RYR3: variants seen among roughly 807,000 people sequenced by gnomAD.
The protein encoded by RYR3 is brain ryanodine receptor-calcium release channel.
A neutral mutation model predicts 584.3 loss-of-function variants in RYR3; 207 were observed. The ratio of observed to expected loss-of-function variants is 0.35; its 90% CI spans 0.32 to 0.40. RYR3 has a LOEUF of 0.40. Ranked by LOEUF, RYR3 falls within the 10% of genes least tolerant of loss-of-function variation. RYR3 has a pLI of 1.00. For missense variants in RYR3, 5,616 were observed against 6,089.2 expected (o/e 0.92, Z 2.59); for synonymous variants, 2,416 against 2,248.5 (o/e 1.07, Z -2.11).
intron 7 of RYR3, among the ~76,000 whole-genome samples, chr15:33,542,285 C>G (rs1042431914): frequency 3.3e-5 from 5 of 152,076 alleles, no homozygotes; most frequent in African/African-American, 1.2e-4. Context: ...GCAGTGTTCT[C>G]TGTGTGAGTA....
Position 33,841,947 on chromosome 15 carries a change from A to G in RYR3, c.13121A>G (p.Lys4374Arg), listed in dbSNP as rs1302868317. 1.3e-6 allele frequency: 2 copies of G among 1,597,854 alleles called. No homozygotes were observed. Among genetic ancestry groups the G allele is most frequent in the South Asian group, 2.3e-5 (2 of 88,378 alleles). The part of the protein sequence containing the change: ...YLWTEVTKKK[K>R]RRCGQKVEKP... ...TGGACAGAAGTGACAAAAAAGAAGA[A>G]GCGGCGGTGTGGTCAGAAGGTTGAG... The change falls in exon 91 of 104, where the codon AAG (lysine) becomes AGG (arginine). Residue 4374 changes from lysine to arginine, a missense_variant. By Grantham distance (26) the Lys-to-Arg change is conservative. Transcript: ENST00000634891.
At chr15:33,540,052 C>T (rs1454320175) in intron 6 of RYR3, among the ~76,000 whole-genome samples, 1 of 152,054 alleles carries the variant, frequency 6.6e-6, no homozygotes, top group Admixed American at 6.6e-5. Flanking sequence ...CTGTCTGCTG[C>T]CACGTGATCA....
At chr15:33,718,845 G>A (rs760252488) in intron 43 of RYR3, among the ~76,000 whole-genome samples, 5 of 152,152 alleles carry the variant, frequency 3.3e-5, no homozygotes, top group African/African-American at 4.8e-5. Flanking sequence ...TTGAAGAAAG[G>A]CACTGTGAAC....
chr15:33,488,329 C>G (rs907899745), intron 2 of RYR3, among the ~76,000 whole-genome samples: 5 of 152,108 alleles, frequency 3.3e-5, no homozygotes, highest in Admixed American at 2.6e-4. Context: ...ACATAGGCAC[C>G]TCTGTCACGC....
intron 102 of RYR3, among the ~76,000 whole-genome samples, chr15:33,863,614 C>G (rs1013958539): frequency 6.6e-6 from 1 of 152,130 alleles, no homozygotes; most frequent in Non-Finnish European, 1.5e-5. Context: ...GATCACAGAG[C>G]AAGTGAAACT....
chr15:33,849,801 A>G (rs749766156), intron 94 of RYR3: 1 of 152,204 alleles, frequency 6.6e-6, no homozygotes, highest in Non-Finnish European at 1.5e-5. Context: ...AGGTACAACT[A>G]AGGATATTTA....
At chr15:33,317,106 T>C (rs1002999282) in intron 1 of RYR3, among the ~76,000 whole-genome samples, 1 of 152,232 alleles carries the variant, frequency 6.6e-6, no homozygotes, top group Non-Finnish European at 1.5e-5. Context: ...TTACCAAAGC[T>C]ACCGTTTCCC....
chr15:33,797,509 A>C (rs569851869), intron 67 of RYR3, among the ~76,000 whole-genome samples: 3 of 152,248 alleles, frequency 2.0e-5, no homozygotes, highest in South Asian at 2.1e-4. Flanking sequence ...ACCTTTAATG[A>C]GATGTTTTTC....
intron 19 of RYR3, among the ~76,000 whole-genome samples, chr15:33,614,292 T>C (rs987689147): frequency 1.3e-5 from 2 of 152,176 alleles, no homozygotes; most frequent in African/African-American, 4.8e-5. Context: ...CTGGCTGCAG[T>C]TTCTGCTTAA....
intron 1 of RYR3, among the ~76,000 whole-genome samples, chr15:33,355,050 GGTACACGCCT>G (rs1973775952): frequency 6.6e-6 from 1 of 152,100 alleles, no homozygotes; most frequent in Non-Finnish European, 1.5e-5. Flanking sequence ...CGGGCGTGGT[GGTACACGCCT>G]GTAATCCCTG....
intron 100 of RYR3, 112 bp downstream of exon 100, chr15:33,859,843 TTAATTTAGCAAGAAC>T (rs150570118): frequency 4.4e-5 from 53 of 1,200,042 alleles, no homozygotes; most frequent in East Asian, 2.1e-4. Flanking sequence ...CATTTACTTG[TTAATTTAGCAAGAAC>T]TAATTTAGCA....
chr15:33,589,991 AAG>A (rs2059047298), intron 16 of RYR3, among the ~76,000 whole-genome samples: 1 of 152,146 alleles, frequency 6.6e-6, no homozygotes, highest in Non-Finnish European at 1.5e-5. Context: ...TAAGTTCGAA[AAG>A]AGAGTCAGTG....
At chr15:33,780,128 A>G (rs1405998353) in intron 64 of RYR3, 83 bp from the exon 65 acceptor site, 2 of 1,535,744 alleles carry the variant, frequency 1.3e-6, no homozygotes, top group African/African-American at 1.4e-5. Context: ...CCATGGATTA[A>G]TCTATGGGGA....
rs200242007 is a variant in RYR3 at position 33,815,521 on chromosome 15, T to C, written c.10503-1341T>C. 2.4e-5 allele frequency: 5 copies of C among 209,630 alleles called. No homozygotes were observed. The East Asian group carries it at 5.0e-4, about 21-fold the overall frequency. 13.0% of individuals were successfully genotyped at this position (209,630 alleles called of 1,614,324 possible). ...TAGTACCATCCTTACATATCTGGGCTGCACCTTCAGTAGTTTTACTCTGTA... is the reference window on the plus strand; with the variant it reads ...TAGTACCATCCTTACATATCTGGGCCGCACCTTCAGTAGTTTTACTCTGTA... On this transcript the variant is annotated intron_variant, in intron 74 of 103. Transcript: ENST00000634891.
chr15:33,853,826 G>T, intron 96 of RYR3, 144 bp downstream of exon 96: 1 of 996,718 alleles, frequency 1.0e-6, no homozygotes, highest in Admixed American at 2.9e-5. Context: ...AACACTGGGA[G>T]AGCACTGCCT....
At chr15:33,462,260 T>G (rs2048098983) in intron 1 of RYR3, among the ~76,000 whole-genome samples, 1 of 152,216 alleles carries the variant, frequency 6.6e-6, no homozygotes, top group Non-Finnish European at 1.5e-5. Context: ...TGGTTTGTTC[T>G]GACAAATTTA....
chr15:33,565,310 C>T (rs1021418641), intron 11 of RYR3, among the ~76,000 whole-genome samples: 1 of 152,170 alleles, frequency 6.6e-6, no homozygotes, highest in East Asian at 1.9e-4. Context: ...CATTGCTAAC[C>T]AGTTGCTCAG....
intron 1 of RYR3, among the ~76,000 whole-genome samples, chr15:33,432,255 A>AG (rs1359652812): frequency 6.6e-6 from 1 of 152,128 alleles, no homozygotes; most frequent in Non-Finnish European, 1.5e-5. Context: ...CTACTACAGG[A>AG]GGGAAAAAAC....
intron 64 of RYR3, among the ~76,000 whole-genome samples, chr15:33,776,986 C>G (rs139663804): frequency 0.01 from 1,591 of 152,276 alleles, 33 homozygotes; most frequent in African/African-American, 0.036. Flanking sequence ...AGAACCGAGA[C>G]CAGACGAGCC....
Sources: gnomAD v4.1 joint callset for allele counts (sites outside exome capture counted in the v4.1 genomes callset) on GRCh38, gnomAD v4.1.1 for gene constraint, MANE v1.5 for transcripts, NCBI Gene and HGNC (gene_info 2026-07-23, HGNC 2026-07-21) for gene names.